Variants in YBEY observed in about 807,000 individuals in gnomAD.
The protein encoded by YBEY is ybeY metalloendoribonuclease, also known as endoribonuclease YbeY.
A neutral mutation model predicts 13.5 loss-of-function variants in YBEY; 15 were observed. The observed-to-expected ratio is 1.11, with a 90% CI of 0.75 to 1.72. YBEY has a LOEUF of 1.72. YBEY is among the 40% of genes most tolerant of loss of function. The probability of loss-of-function intolerance (pLI) is 0.00; values close to 1 mark genes in which losing one functional copy is unlikely to be tolerated. For missense variants in YBEY, 244 were observed against 208.4 expected (o/e 1.17, Z -1.05); for synonymous variants, 101 against 83.1 (o/e 1.21, Z -1.17).
chr21:46,287,639 C>A (rs573960343), intron 2 of YBEY, among the ~76,000 whole-genome samples: 2 of 152,274 alleles, frequency 1.3e-5, no homozygotes, highest in East Asian at 3.9e-4. Flanking sequence ...TATTCAGCCT[C>A]CACTGATCGA....
chr21:46,297,841 C>G, downstream of YBEY: 1 of 1,147,896 alleles, frequency 8.7e-7, no homozygotes, highest in Non-Finnish European at 1.1e-6. Context: ...AACGCGTGGC[C>G]CCCGCCCGGG....
intron 3 of YBEY, among the ~76,000 whole-genome samples, chr21:46,292,427 G>C (rs143908416): frequency 2.0e-5 from 3 of 152,150 alleles, no homozygotes; most frequent in South Asian, 2.1e-4. Context: ...AGGTGGCTTC[G>C]GTCTTGAGCA....
chr21:46,310,495 AAT>A, the YBEY span, among the ~76,000 whole-genome samples: 33 of 147,730 alleles, frequency 2.2e-4, no homozygotes, highest in African/African-American at 8.3e-4. Context: ...AAAAAATAAA[AAT>A]AAAAAAAAAA....
chr21:46,310,325 A>G, the YBEY span, among the ~76,000 whole-genome samples: 1 of 151,748 alleles, frequency 6.6e-6, no homozygotes, highest in East Asian at 1.9e-4. Flanking sequence ...CAAAAATACA[A>G]CAAAATAGCT....
chr21:46,305,298 GTT>G, the YBEY span, among the ~76,000 whole-genome samples: 1 of 124,538 alleles, frequency 8.0e-6, no homozygotes. Flanking sequence ...AAGTTACATG[GTT>G]TTTTTTTTTT....
intron 2 of YBEY, among the ~76,000 whole-genome samples, chr21:46,287,480 C>T (rs548993750): frequency 2.0e-5 from 3 of 152,206 alleles, no homozygotes; most frequent in South Asian, 4.2e-4. Context: ...GGATTACAGG[C>T]GTGAGCCAGA....
chr21:46,291,276 C>T, intron 2 of YBEY, 58 bp from the exon 3 acceptor site: 1 of 1,603,850 alleles, frequency 6.2e-7, no homozygotes, highest in Non-Finnish European at 8.5e-7. Flanking sequence ...TGAAACCTGT[C>T]AACCTGTGGT....
At chr21:46,307,930 G>A in the YBEY span, among the ~76,000 whole-genome samples, 1 of 152,146 alleles carries the variant, frequency 6.6e-6, no homozygotes, top group Admixed American at 6.5e-5. Context: ...TAAATAACTA[G>A]AACTCACAAA....
chr21:46,288,558 A>T (rs533941735), intron 2 of YBEY, among the ~76,000 whole-genome samples: 78 of 152,196 alleles, frequency 5.1e-4, no homozygotes, highest in Non-Finnish European at 9.8e-4. Context: ...ATTTGCCTGT[A>T]ATCCCAGCTA....
the YBEY span, among the ~76,000 whole-genome samples, chr21:46,303,708 AATATATATATAT>A: frequency 1.6e-4 from 6 of 37,286 alleles, no homozygotes; most frequent in Non-Finnish European, 2.3e-4. Flanking sequence ...ACACACACAA[AATATATATATAT>A]ATATATATAT....
At chr21:46,311,738 ACCATCCACCCACTCATCCATCCACCCAT>A in the YBEY span, 2 of 431,156 alleles carry the variant, frequency 4.6e-6, no homozygotes, top group South Asian at 3.8e-5. Context: ...CATCCAACCA[ACCATCCACCCACTCATCCATCCACCCAT>A]CCATCCACCC....
At chr21:46,306,440 A>G in the YBEY span, among the ~76,000 whole-genome samples, 1 of 152,150 alleles carries the variant, frequency 6.6e-6, no homozygotes, top group Non-Finnish European at 1.5e-5. Flanking sequence ...CGGAGGTTGC[A>G]TTGAGCTGAG....
the YBEY span, among the ~76,000 whole-genome samples, chr21:46,312,797 G>A: frequency 2.0e-5 from 3 of 152,288 alleles, no homozygotes; most frequent in African/African-American, 4.8e-5. Context: ...TAGGATGGCC[G>A]CATCCCAACA....
chr21:46,291,481 A>C lies in YBEY; in HGVS notation c.339+19A>C. The C allele has an allele frequency of 6.2e-7, 1 of 1,613,226 alleles. No individual in the cohort carries two copies. Among genetic ancestry groups the C allele is most frequent in the South Asian group, 1.1e-5 (1 of 90,916 alleles). On this transcript the variant is annotated intron_variant, in intron 3 of 4. Transcript: ENST00000397701. ...CCTGACTGTAAGCGGGGATGCTGAA[A>C]TCATATAACCTGGCTCATGGAACAT... is the stretch of plus-strand genomic sequence containing the variant.
chr21:46,303,741 A>T, the YBEY span, among the ~76,000 whole-genome samples: 331 of 24,076 alleles, frequency 0.014, 2 homozygotes, highest in Non-Finnish European at 0.023. Context: ...ATATATATAT[A>T]TATATTTTTT....
chr21:46,304,537 G>A, the YBEY span, among the ~76,000 whole-genome samples: 2 of 151,502 alleles, frequency 1.3e-5, no homozygotes, highest in African/African-American at 4.9e-5. Context: ...ATAAATATAT[G>A]AAAAAGTGAA....
chr21:46,308,776 T>C, the YBEY span, among the ~76,000 whole-genome samples: 6,588 of 152,220 alleles, frequency 0.043, 212 homozygotes, highest in Non-Finnish European at 0.066. Flanking sequence ...AATGGATTAA[T>C]GCATACATGA....
At chr21:46,299,896 T>TGGACCAAGGG (rs1216199312), downstream of YBEY, among the ~76,000 whole-genome samples, 1 of 152,062 alleles carries the variant, frequency 6.6e-6, no homozygotes, top group Non-Finnish European at 1.5e-5. Flanking sequence ...CCTACCCAGG[T>TGGACCAAGGG]GGACCAAGGG....
At chr21:46,305,428 C>G in the YBEY span, among the ~76,000 whole-genome samples, 1 of 149,922 alleles carries the variant, frequency 6.7e-6, no homozygotes. Context: ...CTCCTGGGCT[C>G]AAGGGATCCC....
Sources: allele counts gnomAD v4.1 joint callset (sites outside exome capture counted in the v4.1 genomes callset), GRCh38; gene constraint gnomAD v4.1.1; transcripts MANE v1.5; gene names NCBI Gene and HGNC (gene_info 2026-07-23, HGNC 2026-07-21).